Variants in PAPPA observed in about 807,000 individuals in gnomAD.
The protein encoded by PAPPA is pappalysin 1, also known as pappalysin-1.
A neutral mutation model predicts 164.0 loss-of-function variants in PAPPA; 60 were observed. The observed-to-expected ratio is 0.37, with a 90% confidence interval of 0.30 to 0.45. The LOEUF is 0.45. Ranked by LOEUF, PAPPA falls within the 20% of genes least tolerant of loss-of-function variation. PAPPA has a pLI of 1.00. For missense variants in PAPPA, 1,782 were observed against 2,087.3 expected (o/e 0.85, Z 2.85); for synonymous variants, 875 against 814.1 (o/e 1.07, Z -1.27).
At chr9:116,378,772 G>A (rs1180831937) in intron 20 of PAPPA, among the ~76,000 whole-genome samples, 1 of 152,126 alleles carries the variant, frequency 6.6e-6, no homozygotes, top group African/African-American at 2.4e-5. Flanking sequence ...AAGACAAAAC[G>A]TAAGCCCAGC....
intron 3 of PAPPA, among the ~76,000 whole-genome samples, chr9:116,210,460 C>G (rs1291626418): frequency 6.6e-6 from 1 of 152,050 alleles, no homozygotes; most frequent in Admixed American, 6.6e-5. Context: ...GACCCTACCT[C>G]CTCACCATTC....
intron 6 of PAPPA, among the ~76,000 whole-genome samples, chr9:116,227,863 C>A (rs1844534606): frequency 6.6e-6 from 1 of 152,122 alleles, no homozygotes; most frequent in South Asian, 2.1e-4. Flanking sequence ...ATCCTTCAGA[C>A]CCCAACTGCT....
intron 5 of PAPPA, among the ~76,000 whole-genome samples, chr9:116,220,884 CA>C (rs370389780): frequency 0.014 from 1,858 of 132,944 alleles, 15 homozygotes; most frequent in Middle Eastern, 0.02. Flanking sequence ...AACTCTGTCT[CA>C]AAAAAAAAAG....
intron 10 of PAPPA, among the ~76,000 whole-genome samples, chr9:116,308,045 G>A (rs1042249532): frequency 6.6e-6 from 1 of 152,114 alleles, no homozygotes; most frequent in African/African-American, 2.4e-5. Flanking sequence ...CTGGCTCTAG[G>A]GACCCACACA....
intron 6 of PAPPA, 71 bp from the exon 7 acceptor site, chr9:116,235,068 C>T (rs1240081378): frequency 1.9e-6 from 3 of 1,573,126 alleles, no homozygotes; most frequent in African/African-American, 2.7e-5. Context: ...CTCCTGGGGT[C>T]CACAGGAAAC....
chr9:116,352,268 T>G (rs1371706834), intron 15 of PAPPA, among the ~76,000 whole-genome samples: 2 of 151,088 alleles, frequency 1.3e-5, no homozygotes, highest in Non-Finnish European at 3.0e-5. Flanking sequence ...AGGGGGAGAG[T>G]GGCAGCTTGA....
At chr9:116,267,858 G>A (rs964464010) in intron 8 of PAPPA, among the ~76,000 whole-genome samples, 11 of 144,302 alleles carry the variant, frequency 7.6e-5, no homozygotes, top group African/African-American at 2.8e-4. Flanking sequence ...GTCCGGCCTG[G>A]GCGACAGAGC....
At chr9:116,253,406 GA>G (rs1844883464) in intron 7 of PAPPA, among the ~76,000 whole-genome samples, 1 of 152,092 alleles carries the variant, frequency 6.6e-6, no homozygotes, top group African/African-American at 2.4e-5. Flanking sequence ...GATGTCCAGA[GA>G]AAAATAGCTG....
At chr9:116,331,862 C>T in intron 11 of PAPPA, among the ~76,000 whole-genome samples, 1 of 152,280 alleles carries the variant, frequency 6.6e-6, no homozygotes, top group East Asian at 1.9e-4. Context: ...ATTTAGCTTT[C>T]TCTCCTCAAA....
chr9:116,345,620 C>T (rs1236017888), intron 14 of PAPPA, among the ~76,000 whole-genome samples: 3 of 152,128 alleles, frequency 2.0e-5, no homozygotes, highest in Non-Finnish European at 2.9e-5. Context: ...ATGACATGGT[C>T]AGATCCTGGT....
intron 1 of PAPPA, among the ~76,000 whole-genome samples, chr9:116,164,489 G>A (rs1843699812): frequency 6.6e-6 from 1 of 152,168 alleles, no homozygotes; most frequent in Non-Finnish European, 1.5e-5. Context: ...AACCCACTTG[G>A]AGGAAGCTAA....
chr9:116,216,432 G>A (rs1033375695), intron 4 of PAPPA, among the ~76,000 whole-genome samples: 5 of 152,254 alleles, frequency 3.3e-5, no homozygotes, highest in Admixed American at 2.0e-4. Flanking sequence ...CCAGGGTACC[G>A]TATCAACAGC....
intron 2 of PAPPA, among the ~76,000 whole-genome samples, chr9:116,189,981 C>A (rs1844022624): frequency 6.6e-6 from 1 of 152,238 alleles, no homozygotes; most frequent in East Asian, 1.9e-4. Flanking sequence ...AAGACATGAG[C>A]AGCCCATGTG....
intron 1 of PAPPA, among the ~76,000 whole-genome samples, chr9:116,167,535 G>A (rs1843731256): frequency 6.6e-6 from 1 of 152,188 alleles, no homozygotes; most frequent in Non-Finnish European, 1.5e-5. Flanking sequence ...TTGAGAATCA[G>A]TGCCTGGGAC....
rs1847045752 is a variant in PAPPA at position 116,401,047 on chromosome 9, G to T, written c.*4431G>T. On this transcript the variant is annotated 3_prime_UTR_variant, in exon 22 of 22. Coordinates refer to ENST00000328252, the MANE Select transcript of PAPPA (RefSeq NM_002581.5). ...ATGGGTTATTATTCAAGAATGCACA[G>T]GCCCATCGGCCTTTTAGAAAGACAA... 1 of 152,588 alleles carries T rather than the reference G, an allele frequency of 6.6e-6. No individual in the cohort carries two copies. The highest frequency in any genetic ancestry group is 6.6e-5 in the Admixed American group (1 of 15,266). 9.5% of individuals were successfully genotyped at this position (152,588 alleles called of 1,614,324 possible).
intron 9 of PAPPA, among the ~76,000 whole-genome samples, chr9:116,297,760 T>C (rs1273281561): frequency 6.6e-6 from 1 of 152,226 alleles, no homozygotes; most frequent in Admixed American, 6.5e-5. Flanking sequence ...TAGAGAAAAG[T>C]AGAATCTCTA....
chr9:116,200,174 T>C (rs1844155845), intron 2 of PAPPA, among the ~76,000 whole-genome samples: 2 of 152,350 alleles, frequency 1.3e-5, no homozygotes, highest in African/African-American at 2.4e-5. Flanking sequence ...TCTCTTCTCA[T>C]GCTTCTATGC....
intron 9 of PAPPA, among the ~76,000 whole-genome samples, chr9:116,272,101 T>C (rs1377634598): frequency 6.6e-6 from 1 of 152,158 alleles, no homozygotes; most frequent in Non-Finnish European, 1.5e-5. Flanking sequence ...GTCTGGCTGA[T>C]CTTGTTGTTT....
chr9:116,239,163 A>C (rs1844144699), intron 7 of PAPPA, among the ~76,000 whole-genome samples: 1 of 152,172 alleles, frequency 6.6e-6, no homozygotes, highest in Admixed American at 6.5e-5. Context: ...TATGACAGTG[A>C]TGAAGAGAGA....
Sources: gnomAD v4.1 joint callset for allele counts (sites outside exome capture counted in the v4.1 genomes callset) on GRCh38, gnomAD v4.1.1 for gene constraint, MANE v1.5 for transcripts, NCBI Gene and HGNC (gene_info 2026-07-23, HGNC 2026-07-21) for gene names.